The following TTN variants were observed in gnomAD, a reference collection of about 807,000 sequenced individuals.
TTN encodes the protein titin.
A neutral mutation model predicts 3,223.0 loss-of-function variants in TTN; 1,525 were observed. That is an observed-to-expected ratio of 0.47 (90% CI 0.45 to 0.49). The LOEUF is 0.49. Among genes scored for constraint, TTN ranks in the 20% least tolerant of loss-of-function variants. The pLI, the probability that TTN is intolerant of heterozygous loss-of-function variation, is 0.00. For synonymous variants in TTN, 14,094 were observed against 15,161.0 expected, an observed-to-expected ratio of 0.93 and a Z score of 5.17; for missense variants, 40,786 against 43,424.0, an observed-to-expected ratio of 0.94 and a Z score of 5.40.
Position 178,566,936 on chromosome 2 carries a change from G to A in TTN, c.79196C>T (p.Ala26399Val). The A allele has an allele frequency of 6.2e-7, 1 of 1,613,546 alleles. No individual in the cohort carries two copies. The highest frequency in any genetic ancestry group is 8.5e-7 in the Non-Finnish European group (1 of 1,179,664). The stretch of plus-strand genomic sequence containing the variant: ...CCAACAGACGGTCATGGAGTCTTTG[G>A]CAATATTTGTGACTTCCAAGCTTTT... ...PPKSLEVTNI[A>V]KDSMTVCWNR... is the part of the protein sequence containing the mutation. Residue 26399 changes from alanine to valine, a missense_variant, in exon 326 of 363, where the codon GCC becomes GTC. Ala to Val is a moderately conservative substitution (Grantham distance 64). Coordinates refer to ENST00000589042, the MANE Select transcript of TTN (RefSeq NM_001267550.2).
chr2:178,610,891 T>C, intron 270 of TTN, 102 bp downstream of exon 270: 1 of 1,391,904 alleles, frequency 7.2e-7, no homozygotes, highest in Admixed American at 2.2e-5. Context: ...AGTTTACAAG[T>C]GGCCAGTTCA....
chr2:178,547,194 C>T lies in TTN; in HGVS notation c.94331G>A (p.Trp31444Ter), dbSNP rs1429264347. Reference protein sequence around the residue: ...HDGGSKIIGYWVEKKERNTIL... With the variant: ...HDGGSKIIGY ...TGTATTACGTTCTTTCTTCTCAACC[C>T]AGTAGCCAATGATTTTACTGCCACC... Residue 31444 changes from tryptophan (W) to a stop codon, truncating the protein, a stop_gained, in exon 340 of 363, where the codon TGG becomes TAG. Coordinates refer to ENST00000589042, the MANE Select transcript of TTN (RefSeq NM_001267550.2). LOFTEE classifies it high-confidence loss of function. 6.2e-7 allele frequency: 1 copy of T among 1,613,796 alleles called. No homozygotes were observed. The highest frequency in any genetic ancestry group is 1.7e-5 in the Admixed American group (1 of 60,010).
rs765632650 is a variant in TTN at position 178,722,929 on chromosome 2, A to C, written c.21970T>G (p.Tyr7324Asp). 2.1e-5 allele frequency: 34 copies of C among 1,609,672 alleles called. No individual in the cohort carries two copies. Among genetic ancestry groups the C allele is most frequent in the Non-Finnish European group, 2.8e-5 (33 of 1,177,860 alleles). The change falls in exon 76 of 363, where the codon TAT (tyrosine) becomes GAT (aspartate). Residue 7324 changes from tyrosine (Y) to aspartate (D), a missense_variant. Physicochemically the swap from Tyr to Asp is radical, Grantham distance 160. Transcript: ENST00000589042. The part of the protein sequence containing the change: ...GALVSTLEPP[Y>D]FVTELEPLEA... ...AGAGGTTCCAGTTCCGTAACAAAAT[A>C]AGGCGGTTCTAAGGAAGAAAGGCTC...
intron 46 of TTN, 83 bp downstream of exon 46, chr2:178,756,139 C>G: frequency 9.8e-7 from 1 of 1,016,746 alleles, no homozygotes; most frequent in Non-Finnish European, 1.5e-6. Flanking sequence ...TTAATATATT[C>G]GTCGATTGAA....
intron 218 of TTN, chr2:178,644,345 C>G (rs2061601709): frequency 2.1e-6 from 1 of 466,060 alleles, no homozygotes; most frequent in South Asian, 4.5e-5. Context: ...TAGACCATGT[C>G]TATACATGTA....
At chr2:178,639,817 T>G (rs764465905) in intron 222 of TTN, 29 bp from the exon 223 acceptor site, 11 of 1,544,498 alleles carry the variant, frequency 7.1e-6, no homozygotes, top group Non-Finnish European at 9.6e-6. Flanking sequence ...TGCATTAGTG[T>G]ATCAATTTGT....
At chr2:178,582,752 G>C in intron 313 of TTN, 160 bp from the exon 314 acceptor site, 1 of 918,516 alleles carries the variant, frequency 1.1e-6, no homozygotes, top group Non-Finnish European at 1.5e-6. Context: ...TGTAAAATTA[G>C]GTAATTGAAA....
intron 224 of TTN, among the ~76,000 whole-genome samples, chr2:178,637,040 A>G (rs2060522505): frequency 6.6e-6 from 1 of 151,150 alleles, no homozygotes; most frequent in Admixed American, 6.6e-5. Flanking sequence ...TGAAGTATAA[A>G]ATAGCCAGAT....
At position 178,574,425 on chromosome 2, in the gene TTN, C is replaced by T. The variant is rs767300259; in HGVS notation, c.71707G>A (p.Ala23903Thr). 6.2e-6 allele frequency: 10 copies of T among 1,613,336 alleles called. No homozygotes were observed. In the African/African-American group the frequency reaches 1.2e-4, roughly 19 times the overall value. The part of the protein sequence containing the change: ...DGIAYEFRVI[A>T]ENMAGKSKPS... Reference sequence around the variant, plus strand: ...TTACTTTTGCCTGCCATGTTTTCTGCAATCACCCGGAACTCATAAGCAATA... The same window carrying T: ...TTACTTTTGCCTGCCATGTTTTCTGTAATCACCCGGAACTCATAAGCAATA... The change falls in exon 326 of 363, where the codon GCA becomes ACA. Residue 23903 changes from alanine to threonine, a missense_variant. Ala to Thr is a moderately conservative substitution (Grantham distance 58, BLOSUM62 0). Transcript: ENST00000589042.
rs757614430 is a variant in TTN at position 178,633,168 on chromosome 2, T to C, written c.43086+19A>G. 1 of 1,607,992 alleles carries C rather than the reference T, an allele frequency of 6.2e-7. No homozygotes were observed. The highest frequency in any genetic ancestry group is 1.1e-5 in the South Asian group (1 of 90,482). On this transcript the variant is annotated intron_variant, in intron 233 of 362. Coordinates refer to ENST00000589042, the MANE Select transcript of TTN (RefSeq NM_001267550.2). Reference sequence around the variant, plus strand: ...ACCAAGCAACCCCTCTCCTATATAATTAGCTAATCTTGACTTACAGGGGAA... The same window carrying C: ...ACCAAGCAACCCCTCTCCTATATAACTAGCTAATCTTGACTTACAGGGGAA...
chr2:178,651,469 T>G lies in TTN; in HGVS notation c.39531A>C (p.Glu13177Asp). Residue 13177 changes from glutamate to aspartate, a missense_variant, in exon 207 of 363, where the codon GAA becomes GAC. Physicochemically the swap from Glu to Asp is conservative, Grantham distance 45. Transcript: ENST00000589042. The part of the protein sequence containing the change: ...KVPLVVPKKP[E>D]APPAKVPEVP... ...CACATATACCTTTAGCAGGTGGGGC[T>G]TCTGGCTTTTTGGGAACCACCAGAG... The G allele has an allele frequency of 2.5e-6, 4 of 1,611,584 alleles. No homozygotes were observed. Among genetic ancestry groups the G allele is most frequent in the Non-Finnish European group, 3.4e-6 (4 of 1,179,174 alleles).
chr2:178,670,098 A>T, intron 157 of TTN, 120 bp downstream of exon 157: 1 of 607,626 alleles, frequency 1.6e-6, no homozygotes, highest in Non-Finnish European at 2.6e-6. Flanking sequence ...TATAGAACAT[A>T]AATTGAAGTT....
chr2:178,607,082 C>T lies in TTN; in HGVS notation c.53520G>A (p.Lys17840=). 3 of 1,612,244 alleles carry T rather than the reference C, an allele frequency of 1.9e-6. No individual in the cohort carries two copies. Among genetic ancestry groups the T allele is most frequent in the Non-Finnish European group, 2.5e-6 (3 of 1,179,086 alleles). The change falls in exon 278 of 363, where the codon AAG becomes AAA. Residue 17840 remains lysine, a synonymous_variant. Transcript: ENST00000589042. The stretch of plus-strand genomic sequence containing the variant: ...CAGGAGGGCCACAGCCAAACTTGTT[C>T]TTGGCAATAACACGGAACTTATATT... The part of the protein sequence containing the change: ...GQEYKFRVIA[K]NKFGCGPPVE...
At position 178,653,318 on chromosome 2, in the gene TTN, G is replaced by C. The variant is rs755119531; in HGVS notation, c.38711C>G (p.Pro12904Arg). ...AAGGACAACTTCTTTGGGAGCCTCTGGCACTTAAAAGATATTAGTAAAGTT... is the reference window on the plus strand; with the variant it reads ...AAGGACAACTTCTTTGGGAGCCTCTCGCACTTAAAAGATATTAGTAAAGTT... ...KKPEVPPVTV[P>R]EAPKEVVLEK... The change falls in exon 198 of 363, where the codon CCA becomes CGA. Residue 12904 changes from proline to arginine, a missense_variant. Physicochemically the swap from Pro to Arg is moderately radical, Grantham distance 103. Coordinates refer to ENST00000589042, the MANE Select transcript of TTN (RefSeq NM_001267550.2). The C allele has an allele frequency of 6.2e-7, 1 of 1,612,262 alleles. No individual in the cohort carries two copies. The highest frequency in any genetic ancestry group is 1.1e-5 in the South Asian group (1 of 90,984).
At chr2:178,754,478 A>G (rs2086411753) in intron 46 of TTN, among the ~76,000 whole-genome samples, 1 of 152,182 alleles carries the variant, frequency 6.6e-6, no homozygotes, top group Admixed American at 6.5e-5. Context: ...AGGGCAAAAG[A>G]GCCGAGTTCA....
intron 47 of TTN, chr2:178,751,913 C>G (rs756055738): frequency 2.5e-6 from 4 of 1,591,778 alleles, no homozygotes; most frequent in Non-Finnish European, 3.4e-6. Flanking sequence ...AGGCCAGGAG[C>G]TTGTAGATGA....
chr2:178,531,887 TG>T lies in TTN; in HGVS notation c.104727del (p.Arg34910GlyfsTer5), dbSNP rs758264406. 2.0e-5 allele frequency: 33 copies of T among 1,612,744 alleles called. No homozygotes were observed. The highest frequency in any genetic ancestry group is 2.6e-5 in the Non-Finnish European group (31 of 1,179,326). On this transcript the variant is annotated frameshift_variant, in exon 358 of 363. Coordinates refer to ENST00000589042, the MANE Select transcript of TTN (RefSeq NM_001267550.2). LOFTEE classifies it high-confidence loss of function. Reference protein sequence around the residue: ...FERSARFDIFSRYESMKAALK... With the variant: ...FERSARFDIFXRYESMKAALK... ...AAAGCAGCTTTCATGGACTCATACC[TG>T]GAAAAGATATCAAATCTTGCAGACC...
Position 178,779,476 on chromosome 2 carries a change from T to G in TTN, c.3730-14A>C, listed in dbSNP as rs761823660. ...AATATGGAATTCCTATGCAAAAAGA[T>G]TATGGTCTGTTAAAAATACATATCC... On this transcript the variant is annotated splice_polypyrimidine_tract_variant and intron_variant, in intron 22 of 362. Transcript: ENST00000589042. 6 of 1,417,592 alleles carry G rather than the reference T, an allele frequency of 4.2e-6. No individual in the cohort carries two copies. Among genetic ancestry groups the G allele is most frequent in the Non-Finnish European group, 5.9e-6 (6 of 1,009,446 alleles). 87.8% of individuals were successfully genotyped at this position (1,417,592 alleles called of 1,614,324 possible).
chr2:178,706,303 G>GCTGT, intron 102 of TTN, 151 bp downstream of exon 102: 1 of 767,224 alleles, frequency 1.3e-6, no homozygotes, highest in Non-Finnish European at 2.0e-6. Context: ...CAATGTAAGT[G>GCTGT]CTGTGTAAAT....
Sources: gnomAD v4.1 joint callset for allele counts (sites outside exome capture counted in the v4.1 genomes callset) on GRCh38, gnomAD v4.1.1 for gene constraint, MANE v1.5 for transcripts, NCBI Gene and HGNC (gene_info 2026-07-23, HGNC 2026-07-21) for gene names.